ACTR3C: variants seen among roughly 807,000 people sequenced by gnomAD.
The protein encoded by ACTR3C is actin related protein 3C.
ACTR3C carries 18 observed loss-of-function variants against 26.3 expected under a neutral mutation model. The ratio of observed to expected loss-of-function variants is 0.68; its 90% CI spans 0.47 to 1.01. The LOEUF is 1.01. ACTR3C is among the 50% of genes least tolerant of loss of function. The probability of loss-of-function intolerance (pLI) is 0.00; values close to 1 mark genes in which losing one functional copy is unlikely to be tolerated. For synonymous variants in ACTR3C, 55 were observed against 94.5 expected (o/e 0.58, Z 2.42); for missense variants, 184 against 250.7 (o/e 0.73, Z 1.80).
At chr7:150,136,647 G>C in the ACTR3C span, among the ~76,000 whole-genome samples, 1 of 150,718 alleles carries the variant, frequency 6.6e-6, no homozygotes, top group Non-Finnish European at 1.5e-5. Flanking sequence ...TCCAGGTTGG[G>C]CAACAGAGTG....
At chr7:149,983,457 A>G in the ACTR3C span, among the ~76,000 whole-genome samples, 8 of 109,046 alleles carry the variant, frequency 7.3e-5, no homozygotes, top group African/African-American at 2.6e-4. Flanking sequence ...GTGTATATAT[A>G]TATATATGTA....
the ACTR3C span, among the ~76,000 whole-genome samples, chr7:150,176,141 T>C: frequency 6.6e-6 from 1 of 150,940 alleles, no homozygotes; most frequent in Admixed American, 6.6e-5. Flanking sequence ...CCAAAGTATT[T>C]CTGAGCCTTT....
the ACTR3C span, among the ~76,000 whole-genome samples, chr7:150,216,512 C>G: frequency 5.9e-5 from 9 of 152,206 alleles, no homozygotes; most frequent in Admixed American, 2.6e-4. Flanking sequence ...CACTAGCCTC[C>G]TGAGTAGATA....
the ACTR3C span, among the ~76,000 whole-genome samples, chr7:150,043,403 G>A: frequency 6.6e-6 from 1 of 152,168 alleles, no homozygotes; most frequent in African/African-American, 2.4e-5. Flanking sequence ...ACCACGAAAT[G>A]GGAGGCCTTT....
At chr7:149,967,414 C>T in the ACTR3C span, among the ~76,000 whole-genome samples, 3 of 152,024 alleles carry the variant, frequency 2.0e-5, no homozygotes, top group Non-Finnish European at 2.9e-5. Context: ...TGAAGCAATC[C>T]GCCTGTCTCA....
At chr7:150,138,281 G>C in the ACTR3C span, among the ~76,000 whole-genome samples, 1 of 152,258 alleles carries the variant, frequency 6.6e-6, no homozygotes, top group East Asian at 1.9e-4. Context: ...CACAAAAGAC[G>C]AGAACTTGAA....
At chr7:150,033,853 C>CGT in the ACTR3C span, among the ~76,000 whole-genome samples, 1 of 147,450 alleles carries the variant, frequency 6.8e-6, no homozygotes, top group Non-Finnish European at 1.5e-5. Flanking sequence ...CCTCCGCCCC[C>CGT]AGCGATGGGG....
chr7:150,001,670 T>C, the ACTR3C span: 3 of 151,774 alleles, frequency 2.0e-5, no homozygotes, highest in Non-Finnish European at 4.4e-5. Context: ...AAATCACGCA[T>C]GCCATGCCTG....
At chr7:150,033,931 C>A in the ACTR3C span, among the ~76,000 whole-genome samples, 5 of 151,026 alleles carry the variant, frequency 3.3e-5, no homozygotes, top group South Asian at 4.2e-4. Context: ...TGCCTCCCCC[C>A]CTGCGATGGG....
chr7:149,967,225 C>T, the ACTR3C span, among the ~76,000 whole-genome samples: 1 of 151,730 alleles, frequency 6.6e-6, no homozygotes, highest in Non-Finnish European at 1.5e-5. Flanking sequence ...TTAGTAGAGA[C>T]AGGGTTTCAC....
chr7:150,059,132 A>G, the ACTR3C span, among the ~76,000 whole-genome samples: 1 of 152,248 alleles, frequency 6.6e-6, no homozygotes, highest in Admixed American at 6.5e-5. Flanking sequence ...TGGTTCTTCC[A>G]CTGCCTGGCT....
chr7:150,293,918 A>G (rs1263358268), intron 2 of ACTR3C, among the ~76,000 whole-genome samples: 1 of 152,230 alleles, frequency 6.6e-6, no homozygotes, highest in Non-Finnish European at 1.5e-5. Flanking sequence ...CCTGGACAAC[A>G]CAGTGAGACC....
At chr7:150,202,737 GA>G in the ACTR3C span, among the ~76,000 whole-genome samples, 1 of 152,182 alleles carries the variant, frequency 6.6e-6, no homozygotes, top group East Asian at 1.9e-4. Context: ...TTTAGAAATA[GA>G]ACATTGGTAT....
At chr7:150,165,162 G>A in the ACTR3C span, among the ~76,000 whole-genome samples, 1 of 152,084 alleles carries the variant, frequency 6.6e-6, no homozygotes, top group Non-Finnish European at 1.5e-5. Context: ...TCAACATCTC[G>A]GTATTGCCAC....
At chr7:150,113,489 G>T in the ACTR3C span, among the ~76,000 whole-genome samples, 4,144 of 152,240 alleles carry the variant, frequency 0.027, 207 homozygotes, top group African/African-American at 0.093. Flanking sequence ...GTGATTCAAC[G>T]TAAGTAAATT....
the ACTR3C span, among the ~76,000 whole-genome samples, chr7:149,918,259 G>C: frequency 6.6e-6 from 1 of 151,926 alleles, no homozygotes; most frequent in Non-Finnish European, 1.5e-5. Flanking sequence ...GGTAAACTCT[G>C]ACTTCCAGTT....
downstream of ACTR3C, among the ~76,000 whole-genome samples, chr7:150,239,957 G>A (rs890435832): frequency 3.3e-5 from 5 of 152,058 alleles, no homozygotes; most frequent in Admixed American, 3.3e-4. Flanking sequence ...TTTTTGCCAT[G>A]TTGGCCAGGC....
chr7:150,045,257 G>C, the ACTR3C span, among the ~76,000 whole-genome samples: 2 of 152,274 alleles, frequency 1.3e-5, no homozygotes, highest in East Asian at 3.9e-4. Context: ...TGTTCCTGGA[G>C]GAAAAGTGGT....
the ACTR3C span, among the ~76,000 whole-genome samples, chr7:150,080,535 G>GTA: frequency 1.4e-5 from 2 of 145,560 alleles, no homozygotes; most frequent in African/African-American, 5.3e-5. Context: ...GTATGTGTGT[G>GTA]TGTGTGTGTG....
Sources: allele counts gnomAD v4.1 joint callset (sites outside exome capture counted in the v4.1 genomes callset), GRCh38; gene constraint gnomAD v4.1.1; transcripts MANE v1.5; gene names NCBI Gene and HGNC (gene_info 2026-07-23, HGNC 2026-07-21).